Variants in RGS9 observed in about 807,000 individuals in gnomAD.
RGS9 encodes regulator of G-protein signalling 9.
Under a neutral mutation model 102.0 loss-of-function variants are expected in RGS9, and 78 were observed. The ratio of observed to expected loss-of-function variants is 0.76; its 90% CI spans 0.64 to 0.92. The LOEUF (loss-of-function observed/expected upper bound fraction) is 0.92. RGS9 is among the 40% of genes least tolerant of loss of function. The pLI, the probability that RGS9 is intolerant of heterozygous loss-of-function variation, is 0.00. For missense variants in RGS9, 833 were observed against 866.1 expected (o/e 0.96, Z 0.48); for synonymous variants, 353 against 318.6 (o/e 1.11, Z -1.15).
rs924761870 is a variant in RGS9, at chr17:65,225,689, G to A, written c.1892+203G>A. The A allele has an allele frequency of 4.6e-6, 3 of 648,746 alleles. No homozygotes were observed. The South Asian group carries it at 5.7e-5, about 12-fold the overall frequency. 40.2% of individuals were successfully genotyped at this position (648,746 alleles called of 1,614,324 possible). On this transcript the variant is annotated intron_variant, in intron 18 of 18. Coordinates refer to ENST00000262406, the MANE Select transcript of RGS9 (RefSeq NM_003835.4). ...CTGTCCTCCCGAGGGAGAAGGAACA[G>A]GTGTCCTTCTTTTTCATCTTCCAAA...
chr17:65,183,107 T>TCTATCTATCTAC (rs1244331226), intron 9 of RGS9, among the ~76,000 whole-genome samples: 1 of 120,242 alleles, frequency 8.3e-6, no homozygotes, highest in Admixed American at 8.3e-5. Flanking sequence ...TATCTATCTA[T>TCTATCTATCTAC]CTACCTACCT....
intron 1 of RGS9, among the ~76,000 whole-genome samples, chr17:65,137,853 C>T (rs1326862428): frequency 1.3e-5 from 2 of 152,228 alleles, no homozygotes; most frequent in African/African-American, 4.8e-5. Context: ...ACCTGTTACT[C>T]GGGAGAGGCA....
At chr17:65,210,788 C>T in intron 17 of RGS9, 183 bp downstream of exon 17, 1 of 997,944 alleles carries the variant, frequency 1.0e-6, no homozygotes, top group Non-Finnish European at 1.4e-6. Flanking sequence ...ACTCCTCTAA[C>T]TTTCTTCATG....
In RGS9 at chr17:65,214,875, T is replaced by A. The variant is rs576259439; in HGVS notation, c.1407+4270T>A. On this transcript the variant is annotated intron_variant, in intron 17 of 18. Coordinates refer to ENST00000262406, the MANE Select transcript of RGS9 (RefSeq NM_003835.4). ...GTTACTGCAGTCTCATAAGCGCCAC[T>A]CCCCATCCACCCCTGGCTGATTTAG... 3.9e-4 allele frequency among the ~76,000 whole-genome samples: 59 copies of A among 152,288 alleles called. 1 individual carries two copies. In the South Asian group the frequency reaches 0.012, roughly 31 times the overall value.
chr17:65,168,422 G>T (rs767569994), intron 8 of RGS9, 141 bp downstream of exon 8: 2 of 685,952 alleles, frequency 2.9e-6, no homozygotes, highest in East Asian at 5.8e-5. Flanking sequence ...TGTTGGGTTA[G>T]CATCCAAGTG....
intron 1 of RGS9, among the ~76,000 whole-genome samples, chr17:65,149,897 T>C (rs73994735): frequency 0.03 from 4,616 of 152,286 alleles, 256 homozygotes; most frequent in African/African-American, 0.11. Flanking sequence ...GAAAGTCCCA[T>C]GGAGACTGAG....
At chr17:65,143,649 CT>C (rs1160472392) in intron 1 of RGS9, among the ~76,000 whole-genome samples, 7 of 151,908 alleles carry the variant, frequency 4.6e-5, no homozygotes, top group African/African-American at 1.5e-4. Context: ...CACAAATGAG[CT>C]GGGCATGCTG....
In RGS9 at chr17:65,181,563, C is replaced by A. The variant is rs1488453068; in HGVS notation, c.654+3760C>A. On this transcript the variant is annotated intron_variant, in intron 9 of 18. Coordinates refer to ENST00000262406, the MANE Select transcript of RGS9 (RefSeq NM_003835.4). ...CCGGGACCACACTCTAGAAGTGAGT[C>A]CTCTTTTAGCTCCAATACCTTGAGG... Among the ~76,000 whole-genome samples, 3 of 152,214 alleles carry A rather than the reference C, an allele frequency of 2.0e-5. No homozygotes were observed. The East Asian group carries it at 5.8e-4, about 29-fold the overall frequency.
At chr17:65,202,591 T>C (rs927479292) in intron 14 of RGS9, among the ~76,000 whole-genome samples, 1 of 151,932 alleles carries the variant, frequency 6.6e-6, no homozygotes, top group African/African-American at 2.4e-5. Flanking sequence ...CAGCTTGGGG[T>C]ACAAACATGG....
intron 4 of RGS9, 63 bp downstream of exon 4, chr17:65,160,402 T>G: frequency 6.4e-7 from 1 of 1,561,820 alleles, no homozygotes; most frequent in Non-Finnish European, 8.8e-7. Flanking sequence ...AAGGTGGGGT[T>G]CATAGTTTCA....
At chr17:65,184,495 T>C (rs1287184815) in intron 9 of RGS9, among the ~76,000 whole-genome samples, 1 of 152,116 alleles carries the variant, frequency 6.6e-6, no homozygotes, top group Non-Finnish European at 1.5e-5. Flanking sequence ...AGGGACCTTA[T>C]GTCTATTATC....
chr17:65,162,881 T>G (rs1201432288), intron 6 of RGS9, 132 bp from the exon 7 acceptor site: 1 of 684,594 alleles, frequency 1.5e-6, no homozygotes, highest in Non-Finnish European at 2.7e-6. Flanking sequence ...AAAACCAGCT[T>G]AGATACCATC....
intron 1 of RGS9, among the ~76,000 whole-genome samples, chr17:65,149,913 T>A (rs1294015335): frequency 2.0e-5 from 3 of 152,220 alleles, no homozygotes; most frequent in Non-Finnish European, 2.9e-5. Context: ...CTGAGTGCTT[T>A]TTCTTTGGAC....
intron 1 of RGS9, 54 bp downstream of exon 1, chr17:65,137,651 C>T (rs1278322237): frequency 5.1e-6 from 8 of 1,573,986 alleles, no homozygotes; most frequent in Non-Finnish European, 6.1e-6. Flanking sequence ...ACCGCATCTG[C>T]GAAGCGTCCG....
intron 9 of RGS9, 133 bp from the exon 10 acceptor site, chr17:65,189,153 G>A (rs1912254982): frequency 1.4e-6 from 1 of 729,428 alleles, no homozygotes; most frequent in Admixed American, 2.1e-5. Flanking sequence ...TAGACATGGA[G>A]AAATCCTATC....
At chr17:65,200,491 C>A (rs1260381553) in intron 13 of RGS9, among the ~76,000 whole-genome samples, 1 of 152,202 alleles carries the variant, frequency 6.6e-6, no homozygotes, top group Non-Finnish European at 1.5e-5. Flanking sequence ...CTGTCTTTTG[C>A]TATGGGCAAG....
At chr17:65,201,746 C>T (rs1002530024) in intron 13 of RGS9, among the ~76,000 whole-genome samples, 1 of 152,118 alleles carries the variant, frequency 6.6e-6, no homozygotes, top group East Asian at 1.9e-4. Flanking sequence ...TCTAAGGCCA[C>T]GTATTGAGCA....
rs188098084 is a variant in RGS9, at chr17:65,164,914, A to G, written c.500+1825A>G. 2.8e-3 allele frequency among the ~76,000 whole-genome samples: 422 copies of G among 152,286 alleles called. 2 individuals are homozygous for G. The highest frequency in any genetic ancestry group is 9.6e-3 in the African/African-American group (397 of 41,544). The stretch of plus-strand genomic sequence containing the variant: ...GTAATTATTGTCACCCTTCATTTCT[A>G]CAAATGGGGAGACTGAGACTTAGGG... On this transcript the variant is annotated intron_variant, in intron 7 of 18. Transcript: ENST00000262406.
chr17:65,165,924 A>G lies in RGS9; in HGVS notation c.501-2276A>G, dbSNP rs1014381362. Among the ~76,000 whole-genome samples, 7 of 152,222 alleles carry G rather than the reference A, an allele frequency of 4.6e-5. No homozygotes were observed. The South Asian group carries it at 1.4e-3, about 31-fold the overall frequency. On this transcript the variant is annotated intron_variant, in intron 7 of 18. Transcript: ENST00000262406. ...TTATGTGTCCTGATTTCTATAGGTT[A>G]GGGATTTGGGAAGGTCTTGGCCTAT...
Sources: allele counts gnomAD v4.1 joint callset (sites outside exome capture counted in the v4.1 genomes callset), GRCh38; gene constraint gnomAD v4.1.1; transcripts MANE v1.5; gene names NCBI Gene and HGNC (gene_info 2026-07-23, HGNC 2026-07-21).